ZP1: variants seen among roughly 807,000 people sequenced by gnomAD.
The protein encoded by ZP1 is zona pellucida glycoprotein 1, also known as zona pellucida sperm-binding protein 1.
A neutral mutation model predicts 67.4 loss-of-function variants in ZP1; 58 were observed. The ratio of observed to expected loss-of-function variants is 0.86; its 90% CI spans 0.70 to 1.07. The LOEUF is 1.07. ZP1 is among the 50% of genes least tolerant of loss of function. The probability of loss-of-function intolerance (pLI) is 0.00; values close to 1 mark genes in which losing one functional copy is unlikely to be tolerated. For missense variants in ZP1, 759 were observed against 807.3 expected (o/e 0.94, Z 0.72); for synonymous variants, 333 against 332.7 (o/e 1.00, Z -0.01).
intron 6 of ZP1, 140 bp from the exon 7 acceptor site, chr11:60,873,022 T>G: frequency 3.2e-6 from 3 of 928,896 alleles, no homozygotes; most frequent in Non-Finnish European, 4.7e-6. Flanking sequence ...AAATGCTGAG[T>G]ATTGCTTAAG....
At chr11:60,872,032 T>C (rs1855581526) in intron 6 of ZP1, among the ~76,000 whole-genome samples, 1 of 151,986 alleles carries the variant, frequency 6.6e-6, no homozygotes, top group Non-Finnish European at 1.5e-5. Flanking sequence ...GCCGTGAGGG[T>C]TGGGGAGCAG....
chr11:60,870,920 C>T (rs1855554532), intron 4 of ZP1, 37 bp from the exon 5 acceptor site: 4 of 1,587,300 alleles, frequency 2.5e-6, no homozygotes, highest in Non-Finnish European at 3.4e-6. Flanking sequence ...GCTGGATGGA[C>T]ACCAAACCCC....
At chr11:60,872,946 G>C (rs1184327176) in intron 6 of ZP1, among the ~76,000 whole-genome samples, 4 of 152,164 alleles carry the variant, frequency 2.6e-5, no homozygotes, top group Non-Finnish European at 5.9e-5. Flanking sequence ...TAACAGGCTT[G>C]AGCCATCCCA....
intron 4 of ZP1, 33 bp downstream of exon 4, chr11:60,870,508 C>A: frequency 6.4e-7 from 1 of 1,565,424 alleles, no homozygotes; most frequent in Non-Finnish European, 8.7e-7. Context: ...GATCCTGGTC[C>A]CTTGGATTCT....
chr11:60,867,715 G>C lies in ZP1; in HGVS notation c.154G>C (p.Val52Leu). Reference sequence around the variant, plus strand: ...TGGGATCAAGGGAATGCAGCTGCTGGTGTTCCCCAGGCCAGGCCAGACTCT... The same window carrying C: ...TGGGATCAAGGGAATGCAGCTGCTGCTGTTCCCCAGGCCAGGCCAGACTCT... Reference protein sequence around the residue: ...DCGIKGMQLLVFPRPGQTLRF... With the variant: ...DCGIKGMQLLLFPRPGQTLRF... The change falls in exon 1 of 12, where the codon GTG becomes CTG. Residue 52 changes from valine (V) to leucine (L), a missense_variant. Transcript: ENST00000278853. 6.2e-7 allele frequency: 1 copy of C among 1,614,056 alleles called. No individual in the cohort carries two copies. The highest frequency in any genetic ancestry group is 8.5e-7 in the Non-Finnish European group (1 of 1,179,976).
chr11:60,870,424 GGCT>G lies in ZP1; in HGVS notation c.782_784del (p.Cys261del). ...TTCAAAAGAAGCCTGTCAGCAGGCT[GGCT>G]GCTGCTATGACAACACCAGAGAGGT... On this transcript the variant is annotated inframe_deletion, in exon 4 of 12. Coordinates refer to ENST00000278853, the MANE Select transcript of ZP1 (RefSeq NM_207341.4). 1.2e-6 allele frequency: 2 copies of G among 1,613,566 alleles called. No homozygotes were observed. The highest frequency in any genetic ancestry group is 1.7e-6 in the Non-Finnish European group (2 of 1,179,798).
chr11:60,867,731 GC>G lies in ZP1; in HGVS notation c.172del (p.Gln58ArgfsTer55). On this transcript the variant is annotated frameshift_variant, in exon 1 of 12. Transcript: ENST00000278853. LOFTEE classifies it high-confidence loss of function. The part of the protein sequence containing the change: ...GMQLLVFPRP[G>X]QTLRFKVVDE... Reference sequence around the variant, plus strand: ...CAGCTGCTGGTGTTCCCCAGGCCAGGCCAGACTCTCCGCTTCAAGGTGGTGG... The same window carrying G: ...CAGCTGCTGGTGTTCCCCAGGCCAGGCAGACTCTCCGCTTCAAGGTGGTGG... 2.5e-6 allele frequency: 4 copies of G among 1,613,922 alleles called. No individual in the cohort carries two copies. The highest frequency in any genetic ancestry group is 3.4e-6 in the Non-Finnish European group (4 of 1,179,916).
In ZP1 at chr11:60,873,531, T is replaced by C; in HGVS notation, c.1397T>C (p.Phe466Ser). 10 of 1,612,616 alleles carry C rather than the reference T, an allele frequency of 6.2e-6. No homozygotes were observed. The highest frequency in any genetic ancestry group is 8.5e-6 in the Non-Finnish European group (10 of 1,179,012). Residue 466 changes from phenylalanine to serine, a missense_variant, in exon 8 of 12, where the codon TTC becomes TCC. Phe to Ser is a radical substitution (Grantham distance 155). Transcript: ENST00000278853. ...QCWGAPSANP[F>S]QQPQWPILSD... ...TGGGGCGCTCCCAGTGCCAACCCCTTCCAGCAGCCCCAGTGGCCCATCCTG... is the reference window on the plus strand; with the variant it reads ...TGGGGCGCTCCCAGTGCCAACCCCTCCCAGCAGCCCCAGTGGCCCATCCTG...
rs766679230 is a variant in ZP1 at position 60,869,144 on chromosome 11, G to A, written c.197-1G>A. Reference sequence around the variant, plus strand: ...TGGCCCCTCCCCTTCCCCCACTGCAGATGAATTTGGGAACCGATTTGATGT... The same window carrying A: ...TGGCCCCTCCCCTTCCCCCACTGCAAATGAATTTGGGAACCGATTTGATGT... On this transcript the variant is annotated splice_acceptor_variant, in intron 1 of 11. Coordinates refer to ENST00000278853, the MANE Select transcript of ZP1 (RefSeq NM_207341.4). LOFTEE classifies it high-confidence loss of function. The A allele has an allele frequency of 6.2e-6, 10 of 1,614,156 alleles. No homozygotes were observed. The highest frequency in any genetic ancestry group is 8.5e-6 in the Non-Finnish European group (10 of 1,180,022).
At chr11:60,868,789 C>T (rs1855513317) in intron 1 of ZP1, among the ~76,000 whole-genome samples, 1 of 152,236 alleles carries the variant, frequency 6.6e-6, no homozygotes, top group Admixed American at 6.5e-5. Context: ...CCTCAGCTGC[C>T]TCAGCCACAG....
Position 60,871,020 on chromosome 11 carries a change from CA to C in ZP1, c.891del (p.His298ThrfsTer102). 2 of 1,614,242 alleles carry C rather than the reference CA, an allele frequency of 1.2e-6. No homozygotes were observed. The highest frequency in any genetic ancestry group is 1.7e-6 in the Non-Finnish European group (2 of 1,180,042). ...GTGGTGTCCCAAGAAATGGCCTTGA[CA>C]CACAGGATCACACTGGCCAACATCC... ...VLVVSQEMALTHRITLANIHL... is the reference protein window; with the variant it reads ...VLVVSQEMALXHRITLANIHL... On this transcript the variant is annotated frameshift_variant, in exon 5 of 12. Transcript: ENST00000278853. LOFTEE classifies it high-confidence loss of function.
Position 60,871,065 on chromosome 11 carries a change from C to T in ZP1, c.935C>T (p.Thr312Ile). The T allele has an allele frequency of 6.2e-7, 1 of 1,614,262 alleles. No homozygotes were observed. The highest frequency in any genetic ancestry group is 1.1e-5 in the South Asian group (1 of 91,090). The change falls in exon 5 of 12, where the codon ACC becomes ATC. Residue 312 changes from threonine to isoleucine, a missense_variant. Transcript: ENST00000278853. ...AACATCCACCTGGCCTATGCCCCCACCAGCTGCTCCCCAACACAGCACACG... is the reference window on the plus strand; with the variant it reads ...AACATCCACCTGGCCTATGCCCCCATCAGCTGCTCCCCAACACAGCACACG... ...LANIHLAYAP[T>I]SCSPTQHTEA...
intron 4 of ZP1, chr11:60,870,736 G>C: frequency 3.0e-6 from 2 of 674,660 alleles, no homozygotes; most frequent in Non-Finnish European, 4.9e-6. Context: ...TTGGATGACA[G>C]ATTATATGGT....
rs916938789 is a variant in ZP1, at chr11:60,867,742, C to G, written c.181C>G (p.Arg61Gly). 1.9e-6 allele frequency: 3 copies of G among 1,613,582 alleles called. No individual in the cohort carries two copies. The highest frequency in any genetic ancestry group is 2.7e-5 in the African/African-American group (2 of 74,928). ...GTTCCCCAGGCCAGGCCAGACTCTC[C>G]GCTTCAAGGTGGTGGGTGAGTGCTG... ...LVFPRPGQTL[R>G]FKVVDEFGNR... Residue 61 changes from arginine to glycine, a missense_variant, in exon 1 of 12, where the codon CGC becomes GGC. Coordinates refer to ENST00000278853, the MANE Select transcript of ZP1 (RefSeq NM_207341.4).
chr11:60,873,326 C>T, intron 7 of ZP1, 37 bp downstream of exon 7: 2 of 1,587,410 alleles, frequency 1.3e-6, no homozygotes, highest in Non-Finnish European at 1.7e-6. Context: ...CTGGCCCCCA[C>T]TTCCCTGATG....
intron 4 of ZP1, chr11:60,870,734 CAG>C (rs1855550937): frequency 1.5e-6 from 1 of 669,836 alleles, no homozygotes; most frequent in Admixed American, 3.0e-5. Context: ...GTTTGGATGA[CAG>C]ATTATATGGT....
At chr11:60,870,697 C>T (rs1269542190) in intron 4 of ZP1, 2 of 683,104 alleles carry the variant, frequency 2.9e-6, no homozygotes, top group Non-Finnish European at 4.8e-6. Flanking sequence ...TTACACACAT[C>T]TGGACTTTCA....
In ZP1 at chr11:60,875,197, C is replaced by T. The variant is rs1388154803; in HGVS notation, c.1723C>T (p.Pro575Ser). The T allele has an allele frequency of 1.2e-6, 2 of 1,613,734 alleles. No homozygotes were observed. The highest frequency in any genetic ancestry group is 1.7e-6 in the Non-Finnish European group (2 of 1,180,026). Residue 575 changes from proline to serine, a missense_variant, in exon 11 of 12, where the codon CCA becomes TCA. Transcript: ENST00000278853. ...CCAGGACATCGTGAGCTCTCCGGGG[C>T]CAGTGGGCTTTGAGGATTCTTATGG... ...RPQDIVSSPG[P>S]VGFEDSYGQE...
At chr11:60,868,544 G>A (rs1855508977) in intron 1 of ZP1, among the ~76,000 whole-genome samples, 1 of 152,204 alleles carries the variant, frequency 6.6e-6, no homozygotes, top group African/African-American at 2.4e-5. Flanking sequence ...AGGTGGGGAA[G>A]ATGAACCTGG....
Sources: gnomAD v4.1 joint callset for allele counts (sites outside exome capture counted in the v4.1 genomes callset) on GRCh38, gnomAD v4.1.1 for gene constraint, MANE v1.5 for transcripts, NCBI Gene and HGNC (gene_info 2026-07-23, HGNC 2026-07-21) for gene names.